PNPLA3: variants seen among roughly 807,000 people sequenced by gnomAD.
The protein encoded by PNPLA3 is patatin like domain 3, 1-acylglycerol-3-phosphate O-acyltransferase.
A neutral mutation model predicts 43.1 loss-of-function variants in PNPLA3; 42 were observed. That is an observed-to-expected ratio of 0.97 (90% CI 0.76 to 1.26). The LOEUF (loss-of-function observed/expected upper bound fraction) is 1.26, where lower values mean the gene tolerates loss of function less well. PNPLA3 is among the 50% of genes most tolerant of loss of function. The pLI is 0.00. For missense variants in PNPLA3, 647 were observed against 621.4 expected (o/e 1.04, Z -0.44); for synonymous variants, 272 against 253.6 (o/e 1.07, Z -0.69).
At chr22:43,932,137 T>G (rs2049965488) in intron 3 of PNPLA3, among the ~76,000 whole-genome samples, 1 of 152,126 alleles carries the variant, frequency 6.6e-6, no homozygotes, top group Non-Finnish European at 1.5e-5. Flanking sequence ...TTGACATGAG[T>G]TTCACAGATG....
Position 43,924,043 on chromosome 22 carries a change from C to T in PNPLA3, c.132C>T (p.Phe44=), listed in dbSNP as rs756441328. 1 of 1,580,192 alleles carries T rather than the reference C, an allele frequency of 6.3e-7. No individual in the cohort carries two copies. The highest frequency in any genetic ancestry group is 8.5e-7 in the Non-Finnish European group (1 of 1,172,244). The change falls in exon 1 of 9, where the codon TTC becomes TTT. Residue 44 remains phenylalanine, a synonymous_variant. Transcript: ENST00000216180. Reference sequence around the variant, plus strand: ...TCCTCCGCGACGCGCGCATGTTGTTCGGCGCTTCGGCCGGGGCGTTGCACT... The same window carrying T: ...TCCTCCGCGACGCGCGCATGTTGTTTGGCGCTTCGGCCGGGGCGTTGCACT... ...PHLLRDARML[F]GASAGALHCV... is the part of the protein sequence containing the mutation.
intron 7 of PNPLA3, among the ~76,000 whole-genome samples, chr22:43,940,554 A>T (rs1400088077): frequency 6.6e-6 from 1 of 152,246 alleles, no homozygotes; most frequent in Non-Finnish European, 1.5e-5. Context: ...CACGGCTGTA[A>T]TCCCAGCATT....
intron 5 of PNPLA3, among the ~76,000 whole-genome samples, chr22:43,936,752 A>G (rs1016562100): frequency 2.0e-5 from 3 of 152,232 alleles, no homozygotes; most frequent in Non-Finnish European, 4.4e-5. Context: ...AGGTGTAACC[A>G]GTGGTTCAGT....
chr22:43,932,728 G>T, intron 3 of PNPLA3, 150 bp from the exon 4 acceptor site: 3 of 692,968 alleles, frequency 4.3e-6, no homozygotes, highest in Non-Finnish European at 2.5e-6. Context: ...AGGATTTGTC[G>T]CAGGAGTGAT....
intron 4 of PNPLA3, 110 bp downstream of exon 4, chr22:43,933,197 T>C (rs916038401): frequency 3.8e-6 from 4 of 1,047,550 alleles, no homozygotes; most frequent in Non-Finnish European, 2.8e-6. Context: ...AATAGACCTG[T>C]CCTTGATGGT....
At chr22:43,942,897 A>G (rs1284624202) in intron 7 of PNPLA3, among the ~76,000 whole-genome samples, 2 of 151,778 alleles carry the variant, frequency 1.3e-5, no homozygotes, top group Non-Finnish European at 2.9e-5. Context: ...GTAAGATGGG[A>G]TCTTACTATG....
intron 6 of PNPLA3, 145 bp from the exon 7 acceptor site, chr22:43,939,848 C>T: frequency 8.8e-7 from 1 of 1,139,024 alleles, no homozygotes; most frequent in Non-Finnish European, 1.3e-6. Context: ...GCTTGGCAAA[C>T]CCCACCTTGT....
intron 1 of PNPLA3, 124 bp from the exon 2 acceptor site, chr22:43,926,811 A>G (rs954516729): frequency 2.8e-5 from 21 of 747,854 alleles, no homozygotes; most frequent in Non-Finnish European, 4.3e-5. Context: ...TGTGGCTCCC[A>G]TAGTAGACAG....
chr22:43,932,935 A>G lies in PNPLA3; in HGVS notation c.544A>G (p.Ile182Val), dbSNP rs1317667080. The change falls in exon 4 of 9, where the codon ATC (isoleucine) becomes GTC (valine). Residue 182 changes from isoleucine (I) to valine (V), a missense_variant. Coordinates refer to ENST00000216180, the MANE Select transcript of PNPLA3 (RefSeq NM_025225.3). ...NVPFIDAKTTITVSPFYGEYD... is the reference protein window; with the variant it reads ...NVPFIDAKTTVTVSPFYGEYD... ...ACCCTTCATTGATGCCAAAACAACCATCACCGTGTCCCCCTTCTATGGGGA... is the reference window on the plus strand; with the variant it reads ...ACCCTTCATTGATGCCAAAACAACCGTCACCGTGTCCCCCTTCTATGGGGA... 1.9e-6 allele frequency: 3 copies of G among 1,614,084 alleles called. No individual in the cohort carries two copies. The highest frequency in any genetic ancestry group is 2.5e-6 in the Non-Finnish European group (3 of 1,180,044).
At chr22:43,929,738 A>T (rs969801293) in intron 3 of PNPLA3, among the ~76,000 whole-genome samples, 1 of 151,348 alleles carries the variant, frequency 6.6e-6, no homozygotes, top group African/African-American at 2.4e-5. Context: ...CTGGGATTAC[A>T]GGTGCCTGCC....
In PNPLA3 at chr22:43,933,072, C is replaced by A. The variant is rs556789077; in HGVS notation, c.681C>A (p.Val227=). 5.6e-6 allele frequency: 9 copies of A among 1,613,492 alleles called. No homozygotes were observed. The highest frequency in any genetic ancestry group is 7.6e-6 in the Non-Finnish European group (9 of 1,179,902). Residue 227 remains valine (V), a synonymous_variant, in exon 4 of 9, where the codon GTC becomes GTA. Transcript: ENST00000216180. ...TCTACCTTCTCTCGAGAGCTTTTGT[C>A]CCCCCGGATCTCAAGGTGAGTTGGT... is the stretch of plus-strand genomic sequence containing the variant. ...GNLYLLSRAF[V]PPDLKVLGEI... is the part of the protein sequence containing the mutation.
intron 7 of PNPLA3, among the ~76,000 whole-genome samples, chr22:43,941,588 A>G (rs1002564902): frequency 2.0e-5 from 3 of 152,150 alleles, no homozygotes; most frequent in African/African-American, 7.2e-5. Flanking sequence ...AGAGATGTTG[A>G]TTTCTATTTT....
chr22:43,937,371 C>A, intron 6 of PNPLA3, 99 bp downstream of exon 6: 1 of 1,095,264 alleles, frequency 9.1e-7, no homozygotes, highest in South Asian at 1.4e-5. Flanking sequence ...TAGGGTGAGG[C>A]AACCATGACA....
chr22:43,943,974 A>AGGT (rs2050047092), intron 7 of PNPLA3, among the ~76,000 whole-genome samples: 1 of 151,890 alleles, frequency 6.6e-6, no homozygotes, highest in South Asian at 2.1e-4. Flanking sequence ...TTTTTAGTAG[A>AGGT]GGTGGGGTTT....
In PNPLA3 at chr22:43,946,775, G is replaced by C. The variant is rs41278871; in HGVS notation, c.*393G>C. 8.4e-3 allele frequency: 4,390 copies of C among 524,334 alleles called. 33 individuals carry two copies. Among genetic ancestry groups the C allele is most frequent in the Non-Finnish European group, 0.012 (3,099 of 264,128 alleles). The allele number at this position is 524,334 out of a possible 1,614,324, so 32.5% of individuals were successfully genotyped here. A position where few individuals can be genotyped will look rare whatever the true frequency, so the allele number is the denominator to read the frequency against. On this transcript the variant is annotated 3_prime_UTR_variant, in exon 9 of 9. Transcript: ENST00000216180. ...GGCCCATGTGTGATCTTGTGGGGTG[G>C]AGGGAAGAGAATAGCATGATCCCAC...
At chr22:43,926,421 A>C (rs1414427074) in intron 1 of PNPLA3, among the ~76,000 whole-genome samples, 1 of 152,152 alleles carries the variant, frequency 6.6e-6, no homozygotes, top group Non-Finnish European at 1.5e-5. Flanking sequence ...GGCCATCTAC[A>C]CCAAAGCTCT....
chr22:43,942,782 A>C (rs1223514765), intron 7 of PNPLA3, among the ~76,000 whole-genome samples: 1 of 142,470 alleles, frequency 7.0e-6, no homozygotes, highest in African/African-American at 2.6e-5. Flanking sequence ...GGTACACTGC[A>C]GCCTGAACCT....
chr22:43,924,092 C>G lies in PNPLA3; in HGVS notation c.181C>G (p.Pro61Ala). Reference protein sequence around the residue: ...LHCVGVLSGIPLEQTLQVLSD... With the variant: ...LHCVGVLSGIALEQTLQVLSD... ...CTGCGTCGGCGTCCTCTCCGGTATC[C>G]CGCTGGGTGCGTCTGGGGACGCTGC... The change falls in exon 1 of 9, where the codon CCG becomes GCG. Residue 61 changes from proline to alanine, a missense_variant. By Grantham distance (27) the Pro-to-Ala change is conservative (BLOSUM62 -1). Transcript: ENST00000216180. 6.4e-7 allele frequency: 1 copy of G among 1,553,114 alleles called. No individual in the cohort carries two copies. The highest frequency in any genetic ancestry group is 8.6e-7 in the Non-Finnish European group (1 of 1,159,546).
rs745592504 is a variant in PNPLA3 at position 43,937,087 on chromosome 22, C to T, written c.794C>T (p.Ser265Phe). ...CNRPQPGLKS[S>F]SEGMDPEVAM... ...AGGCCCCAGCCAGGCCTGAAGTCAT[C>T]CTCAGAAGGGATGGATCCTGAGGTC... is the stretch of plus-strand genomic sequence containing the variant. Residue 265 changes from serine to phenylalanine, a missense_variant, in exon 6 of 9, where the codon TCC becomes TTC. By Grantham distance (155) the Ser-to-Phe change is radical. Coordinates refer to ENST00000216180, the MANE Select transcript of PNPLA3 (RefSeq NM_025225.3). 9 of 1,614,052 alleles carry T rather than the reference C, an allele frequency of 5.6e-6. No individual in the cohort carries two copies. In the South Asian group the frequency reaches 8.8e-5, roughly 16 times the overall value.
Sources: gnomAD v4.1 joint callset for allele counts (sites outside exome capture counted in the v4.1 genomes callset) on GRCh38, gnomAD v4.1.1 for gene constraint, MANE v1.5 for transcripts, NCBI Gene and HGNC (gene_info 2026-07-23, HGNC 2026-07-21) for gene names.